PCDHGA9: variants seen among roughly 807,000 people sequenced by gnomAD.
The protein encoded by PCDHGA9 is protocadherin gamma subfamily A, 9, also known as protocadherin gamma-A9.
PCDHGA9 carries 37 observed loss-of-function variants against 62.5 expected under a neutral mutation model. The ratio of observed to expected loss-of-function variants is 0.59; its 90% confidence interval spans 0.46 to 0.78. PCDHGA9 has a LOEUF of 0.78. Ranked by LOEUF, PCDHGA9 falls within the 30% of genes least tolerant of loss-of-function variation. The probability of loss-of-function intolerance (pLI) is 0.00; values close to 1 mark genes in which losing one functional copy is unlikely to be tolerated. For synonymous variants in PCDHGA9, 459 were observed against 484.6 expected (o/e 0.95, Z 0.69); for missense variants, 1,138 against 1,166.2 (o/e 0.98, Z 0.35).
rs755706235 is a variant in PCDHGA9 at position 141,476,450 on chromosome 5, G to A, written c.2425-18357G>A. ...TTGCACTGTAACTCTGGAGTTGGTA[G>A]TGGAGAACCCGCTGGAGCTGTTCAG... On this transcript the variant is annotated intron_variant, in intron 1 of 3. Transcript: ENST00000573521. The surrounding 1 kb of genome is among the most constrained non-coding windows in gnomAD (Gnocchi z 7.6). The A allele has an allele frequency of 6.2e-7, 1 of 1,614,180 alleles. No individual in the cohort carries two copies. The highest frequency in any genetic ancestry group is 8.5e-7 in the Non-Finnish European group (1 of 1,180,040).
intron 1 of PCDHGA9, chr5:141,418,417 T>G: frequency 6.2e-7 from 1 of 1,614,002 alleles, no homozygotes; most frequent in Non-Finnish European, 8.5e-7. Flanking sequence ...AAGACAATCC[T>G]GATGGTGGCA....
chr5:141,421,750 C>A lies in PCDHGA9; in HGVS notation c.2424+16374C>A, dbSNP rs766529731. On this transcript the variant is annotated intron_variant, in intron 1 of 3. Coordinates refer to ENST00000573521, the MANE Select transcript of PCDHGA9 (RefSeq NM_018921.3). ...CTCCCTCCAGAGCTACCAGCTCAGC[C>A]CTAATAATTACTTTTCCTTGCAACT... 4.3e-6 allele frequency: 7 copies of A among 1,613,788 alleles called. No individual in the cohort carries two copies. Among genetic ancestry groups the A allele is most frequent in the Non-Finnish European group, 5.9e-6 (7 of 1,179,864 alleles).
Position 141,485,778 on chromosome 5 carries a change from G to T in PCDHGA9, c.2425-9029G>T. The T allele has an allele frequency of 6.2e-7, 1 of 1,614,216 alleles. No individual in the cohort carries two copies. Among genetic ancestry groups the T allele is most frequent in the Admixed American group, 1.7e-5 (1 of 60,028 alleles). ...CTGCTCCTGGAGAAGCCTTTGGATC[G>T]AGAGAAGCAATCGGACTACCGCCTG... is the stretch of plus-strand genomic sequence containing the variant. On this transcript the variant is annotated intron_variant, in intron 1 of 3. Coordinates refer to ENST00000573521, the MANE Select transcript of PCDHGA9 (RefSeq NM_018921.3). The surrounding 1 kb of genome is among the most constrained non-coding windows in gnomAD (Gnocchi z 5.7).
At chr5:141,418,305 G>T in intron 1 of PCDHGA9, 1 of 1,614,026 alleles carries the variant, frequency 6.2e-7, no homozygotes, top group South Asian at 1.1e-5. Context: ...GTCAGCCTGG[G>T]GATGGGAACA....
intron 1 of PCDHGA9, chr5:141,417,879 A>G (rs2096177010): frequency 7.1e-6 from 11 of 1,559,306 alleles, no homozygotes; most frequent in South Asian, 2.3e-5. Flanking sequence ...AGCTGCGCGC[A>G]GAGGCGCCGG....
Position 141,403,109 on chromosome 5 carries a change from G to T in PCDHGA9, c.157G>T (p.Ala53Ser). The change falls in exon 1 of 4, where the codon GCT becomes TCT. Residue 53 changes from alanine (A) to serine (S), a missense_variant. Transcript: ENST00000573521. The stretch of plus-strand genomic sequence containing the variant: ...TGTGGGCAACATCTCCAAGGACCTG[G>T]CTCTGGAGCCCCGGGAGCTGGCGGA... ...YIVGNISKDL[A>S]LEPRELAERR... The T allele has an allele frequency of 1.2e-6, 2 of 1,614,074 alleles. No homozygotes were observed. Among genetic ancestry groups the T allele is most frequent in the Non-Finnish European group, 1.7e-6 (2 of 1,179,908 alleles).
At position 141,489,295 on chromosome 5, in the gene PCDHGA9, T is replaced by C. The variant is rs2099685128; in HGVS notation, c.2425-5512T>C. 1.3e-6 allele frequency: 2 copies of C among 1,581,054 alleles called. No individual in the cohort carries two copies. The highest frequency in any genetic ancestry group is 1.7e-5 in the Admixed American group (1 of 57,148). ...TGGGAAATGGCAAGTGCTGTGCATG[T>C]TGTCCTTGTGCTGCTGGGGCTGGGT... On this transcript the variant is annotated intron_variant, in intron 1 of 3. Transcript: ENST00000573521. The surrounding 1 kb of genome is among the most constrained non-coding windows in gnomAD (Gnocchi z 4.5).
chr5:141,419,010 G>A (rs2096312778), intron 1 of PCDHGA9: 2 of 1,613,866 alleles, frequency 1.2e-6, no homozygotes, highest in Non-Finnish European at 8.5e-7. Flanking sequence ...GAAGTCAGGT[G>A]TAGCTTAAGT....
chr5:141,418,244 C>G (rs746986702), intron 1 of PCDHGA9: 1 of 1,613,980 alleles, frequency 6.2e-7, no homozygotes. Flanking sequence ...TGTTAATGAC[C>G]ACGCCCCTCA....
At chr5:141,469,081 A>C (rs1451214440) in intron 1 of PCDHGA9, among the ~76,000 whole-genome samples, 1 of 151,790 alleles carries the variant, frequency 6.6e-6, no homozygotes, top group Non-Finnish European at 1.5e-5. Context: ...GTTTGAGACC[A>C]TTCTAGGCAA....
intron 2 of PCDHGA9, 69 bp from the exon 3 acceptor site, chr5:141,505,324 G>T: frequency 6.2e-7 from 1 of 1,607,102 alleles, no homozygotes; most frequent in African/African-American, 1.3e-5. Context: ...GGAGCCCTGG[G>T]AGAGGACAGG....
At chr5:141,475,500 T>C (rs1393586791) in intron 1 of PCDHGA9, among the ~76,000 whole-genome samples, 1 of 152,248 alleles carries the variant, frequency 6.6e-6, no homozygotes, top group East Asian at 1.9e-4. Flanking sequence ...ACTGAAATTA[T>C]TAATGTCTCC....
At chr5:141,455,041 T>C (rs971722465) in intron 1 of PCDHGA9, among the ~76,000 whole-genome samples, 2 of 151,234 alleles carry the variant, frequency 1.3e-5, no homozygotes, top group Non-Finnish European at 2.9e-5. Flanking sequence ...CTCGATCTCC[T>C]GACCTCGTGA....
chr5:141,470,768 G>T (rs2099239559), intron 1 of PCDHGA9, among the ~76,000 whole-genome samples: 1 of 152,142 alleles, frequency 6.6e-6, no homozygotes, highest in South Asian at 2.1e-4. Context: ...ACTCACTACA[G>T]TCTTGAATTC....
In PCDHGA9 at chr5:141,485,068, T is replaced by C; in HGVS notation, c.2425-9739T>C. On this transcript the variant is annotated intron_variant, in intron 1 of 3. Transcript: ENST00000573521. The surrounding 1 kb of genome is among the most constrained non-coding windows in gnomAD (Gnocchi z 5.7). ...GGCGCCGGCCGAACCGCGCCAGAGCTGGCGCGGGGAAAGGGAGATAGGTGT... is the reference window on the plus strand; with the variant it reads ...GGCGCCGGCCGAACCGCGCCAGAGCCGGCGCGGGGAAAGGGAGATAGGTGT... 1 of 896,972 alleles carries C rather than the reference T, an allele frequency of 1.1e-6. No homozygotes were observed. The highest frequency in any genetic ancestry group is 1.6e-5 in the South Asian group (1 of 61,812). The allele number at this position is 896,972 out of a possible 1,614,324, so 55.6% of individuals were successfully genotyped here. A position where few individuals can be genotyped will look rare whatever the true frequency, so the allele number is the denominator to read the frequency against.
chr5:141,412,554 C>T (rs2095562022), intron 1 of PCDHGA9: 1 of 152,094 alleles, frequency 6.6e-6, no homozygotes, highest in Non-Finnish European at 1.5e-5. Context: ...TGAATTATCT[C>T]ATGAGTTTAT....
chr5:141,453,201 C>T (rs115660512), intron 1 of PCDHGA9, among the ~76,000 whole-genome samples: 2,052 of 152,204 alleles, frequency 0.013, 46 homozygotes, highest in African/African-American at 0.048. Flanking sequence ...GCAGCCTCAA[C>T]CTCGTGCACT....
chr5:141,506,666 C>A (rs894880559), intron 3 of PCDHGA9, among the ~76,000 whole-genome samples: 2 of 152,120 alleles, frequency 1.3e-5, no homozygotes, highest in South Asian at 4.1e-4. Context: ...AGAGTAAGGG[C>A]ACAATATATT....
chr5:141,501,425 G>A (rs1444899306), intron 2 of PCDHGA9, among the ~76,000 whole-genome samples: 1 of 151,726 alleles, frequency 6.6e-6, no homozygotes, highest in Non-Finnish European at 1.5e-5. Flanking sequence ...TTGACTAAAT[G>A]TAGTCCATTT....
Sources: gnomAD v4.1 joint callset for allele counts (sites outside exome capture counted in the v4.1 genomes callset) on GRCh38, gnomAD v4.1.1 for gene constraint, Gnocchi (gnomAD v3.1) non-coding constraint, MANE v1.5 for transcripts, NCBI Gene and HGNC (gene_info 2026-07-23, HGNC 2026-07-21) for gene names.